AGPAT4: variants seen among roughly 807,000 people sequenced by gnomAD.
AGPAT4 encodes 1-acylglycerol-3-phosphate O-acyltransferase 4, also known as 1-acyl-sn-glycerol-3-phosphate acyltransferase delta.
AGPAT4 carries 15 observed loss-of-function variants against 48.0 expected under a neutral mutation model. That is an observed-to-expected ratio of 0.31 (90% confidence interval 0.21 to 0.48). The LOEUF (loss-of-function observed/expected upper bound fraction) is 0.48. Among genes scored for constraint, AGPAT4 ranks in the 20% least tolerant of loss-of-function variants. The pLI is 0.99. For missense variants in AGPAT4, 314 were observed against 482.5 expected, an observed-to-expected ratio of 0.65 and a Z score of 3.27; for synonymous variants, 178 against 198.7, an observed-to-expected ratio of 0.90 and a Z score of 0.88.
At position 161,139,740 on chromosome 6, in the gene AGPAT4, C is replaced by G. The variant is rs910982234; in HGVS notation, c.844-120G>C. ...CAGGTGCCACCGGGGCTCGGCAGAA[C>G]TGGGGTCTGCAGCTCCTTCCAGAAA... is the stretch of plus-strand genomic sequence containing the variant. On this transcript the variant is annotated intron_variant, in intron 7 of 8. Coordinates refer to ENST00000320285, the MANE Select transcript of AGPAT4 (RefSeq NM_020133.3). This position sits in a 1 kb window ranked among gnomAD's most constrained non-coding sequence, Gnocchi z 9.1. 17 of 833,458 alleles carry G rather than the reference C, an allele frequency of 2.0e-5. No individual in the cohort carries two copies. The African/African-American group carries it at 2.6e-4, about 13-fold the overall frequency. 51.6% of individuals were successfully genotyped at this position (833,458 alleles called of 1,614,324 possible).
Position 161,222,576 on chromosome 6 carries a change from ATT to A in AGPAT4, c.178+9458_178+9459del, listed in dbSNP as rs11345143. On this transcript the variant is annotated intron_variant, in intron 2 of 8. Coordinates refer to ENST00000320285, the MANE Select transcript of AGPAT4 (RefSeq NM_020133.3). This position sits in a 1 kb window ranked among gnomAD's most constrained non-coding sequence, Gnocchi z 5.9. ...TCTATAAAAGATTACGCATGAACAG[ATT>A]TTTTTTTTTTTCAAATTCCAATTAA... 7.5e-5 allele frequency among the ~76,000 whole-genome samples: 11 copies of A among 147,602 alleles called. No individual in the cohort carries two copies. Among genetic ancestry groups the A allele is most frequent in the East Asian group, 3.9e-4 (2 of 5,078 alleles).
At position 161,217,644 on chromosome 6, in the gene AGPAT4, G is replaced by A. The variant is rs143541840; in HGVS notation, c.178+14392C>T. On this transcript the variant is annotated intron_variant, in intron 2 of 8. Coordinates refer to ENST00000320285, the MANE Select transcript of AGPAT4 (RefSeq NM_020133.3). This position sits in a 1 kb window ranked among gnomAD's most constrained non-coding sequence, Gnocchi z 4.9. ...CCATTTAAAGAAATTGGCTACTGGT[G>A]TAGAAATTGTACATGAACAATCTCA... is the stretch of plus-strand genomic sequence containing the variant. Among the ~76,000 whole-genome samples, 1,004 of 152,348 alleles carry A rather than the reference G, an allele frequency of 6.6e-3. 10 individuals carry two copies. The highest frequency in any genetic ancestry group is 0.016 in the Admixed American group (246 of 15,302).
rs1221714162 is a variant in AGPAT4 at position 161,208,265 on chromosome 6, C to T, written c.178+23771G>A. Among the ~76,000 whole-genome samples the T allele has an allele frequency of 6.6e-6, 1 of 152,210 alleles. No homozygotes were observed. The highest frequency in any genetic ancestry group is 1.9e-4 in the East Asian group (1 of 5,200). The stretch of plus-strand genomic sequence containing the variant: ...GCACTGTTACTAAAAGTAAGCTACT[C>T]AGTATTCAGAGACTCTCTCCAGATG... On this transcript the variant is annotated intron_variant, in intron 2 of 8. Transcript: ENST00000320285. This position sits in a 1 kb window ranked among gnomAD's most constrained non-coding sequence, Gnocchi z 4.6.
In AGPAT4 at chr6:161,245,709, C is replaced by T. The variant is rs921600709; in HGVS notation, c.-89-13407G>A. ...CTCCTACTCACTGTCCGTGAAGTGC[C>T]CTCAATCCTTGAGTTCTTGGAGATC... On this transcript the variant is annotated intron_variant, in intron 1 of 8. Transcript: ENST00000320285. The surrounding 1 kb of genome is among the most constrained non-coding windows in gnomAD (Gnocchi z 5.2). Among the ~76,000 whole-genome samples the T allele has an allele frequency of 2.0e-4, 31 of 152,110 alleles. No homozygotes were observed. The highest frequency in any genetic ancestry group is 7.2e-4 in the African/African-American group (30 of 41,402).
intron 2 of AGPAT4, among the ~76,000 whole-genome samples, chr6:161,175,498 C>T (rs914498127): frequency 2.0e-5 from 3 of 152,008 alleles, no homozygotes; most frequent in African/African-American, 4.8e-5. Context: ...GGTGATATCC[C>T]CTTTATCATT....
chr6:161,269,661 A>C (rs1783367949), intron 1 of AGPAT4, among the ~76,000 whole-genome samples: 1 of 152,040 alleles, frequency 6.6e-6, no homozygotes, highest in African/African-American at 2.4e-5. Context: ...AAAAAAAGTC[A>C]TACCCCCATG....
intron 2 of AGPAT4, among the ~76,000 whole-genome samples, chr6:161,186,618 C>T (rs1417964988): frequency 6.6e-6 from 1 of 152,116 alleles, no homozygotes; most frequent in Non-Finnish European, 1.5e-5. Flanking sequence ...TCATGCCTTG[C>T]CGCCACTTCC....
rs1781140091 is a variant in AGPAT4 at position 161,198,842 on chromosome 6, T to C, written c.179-32425A>G. 6.6e-6 allele frequency among the ~76,000 whole-genome samples: 1 copy of C among 152,174 alleles called. No individual in the cohort carries two copies. The highest frequency in any genetic ancestry group is 2.1e-4 in the South Asian group (1 of 4,834). ...TGTTTCGAGTAAAGACAAAATTACA[T>C]AGCTTATTAAGGGGTAAATATCTTG... On this transcript the variant is annotated intron_variant, in intron 2 of 8. Coordinates refer to ENST00000320285, the MANE Select transcript of AGPAT4 (RefSeq NM_020133.3). The surrounding 1 kb of genome is among the most constrained non-coding windows in gnomAD (Gnocchi z 4.3).
rs573151330 is a variant in AGPAT4 at position 161,165,198 on chromosome 6, G to A, written c.348+1050C>T. Among the ~76,000 whole-genome samples, 12 of 152,280 alleles carry A rather than the reference G, an allele frequency of 7.9e-5. No homozygotes were observed. In the East Asian group the frequency reaches 2.3e-3, roughly 29 times the overall value. On this transcript the variant is annotated intron_variant, in intron 3 of 8. Coordinates refer to ENST00000320285, the MANE Select transcript of AGPAT4 (RefSeq NM_020133.3). This position sits in a 1 kb window ranked among gnomAD's most constrained non-coding sequence, Gnocchi z 5.5. The stretch of plus-strand genomic sequence containing the variant: ...ACTAGAATGTTTGCTCTTGTTCCTA[G>A]AAATATATTTGCACACACACACACG...
chr6:161,185,305 T>TTC (rs1780737656), intron 2 of AGPAT4, among the ~76,000 whole-genome samples: 1 of 140,696 alleles, frequency 7.1e-6, no homozygotes, highest in Non-Finnish European at 1.6e-5. Context: ...TTTTTTTTTT[T>TTC]CCAAAGACAG....
intron 2 of AGPAT4, among the ~76,000 whole-genome samples, chr6:161,210,351 C>T (rs1781489721): frequency 6.6e-6 from 1 of 152,124 alleles, no homozygotes; most frequent in African/African-American, 2.4e-5. Context: ...ATTTAGCTGA[C>T]AGCTGCCTAG....
chr6:161,250,118 A>T (rs1782766857), intron 1 of AGPAT4, among the ~76,000 whole-genome samples: 1 of 130,866 alleles, frequency 7.6e-6, no homozygotes, highest in Non-Finnish European at 1.5e-5. Flanking sequence ...ACGTGTTTTC[A>T]CTTACAAGTG....
In AGPAT4 at chr6:161,267,440, G is replaced by A. The variant is rs769575674; in HGVS notation, c.-90+6498C>T. On this transcript the variant is annotated intron_variant, in intron 1 of 8. Coordinates refer to ENST00000320285, the MANE Select transcript of AGPAT4 (RefSeq NM_020133.3). The surrounding 1 kb of genome is among the most constrained non-coding windows in gnomAD (Gnocchi z 5.2). ...GAAAAATATTAGCTGGGGAACGGGC[G>A]CAGTGGCTCACATCTGTAATCCTAG... Among the ~76,000 whole-genome samples the A allele has an allele frequency of 2.0e-5, 3 of 152,140 alleles. No homozygotes were observed. The highest frequency in any genetic ancestry group is 4.4e-5 in the Non-Finnish European group (3 of 68,014).
Position 161,172,232 on chromosome 6 carries a change from G to A in AGPAT4, c.179-5815C>T, listed in dbSNP as rs550584586. Reference sequence around the variant, plus strand: ...CTGCACTAAGAGGAACCCTCAGTGCGAGAAGTGCAAGGAGGAAGGACATGG... The same window carrying A: ...CTGCACTAAGAGGAACCCTCAGTGCAAGAAGTGCAAGGAGGAAGGACATGG... On this transcript the variant is annotated intron_variant, in intron 2 of 8. Coordinates refer to ENST00000320285, the MANE Select transcript of AGPAT4 (RefSeq NM_020133.3). 3.3e-5 allele frequency among the ~76,000 whole-genome samples: 5 copies of A among 152,328 alleles called. No homozygotes were observed. The South Asian group carries it at 6.2e-4, about 19-fold the overall frequency.
rs142376122 is a variant in AGPAT4 at position 161,265,072 on chromosome 6, T to G, written c.-90+8866A>C. On this transcript the variant is annotated intron_variant, in intron 1 of 8. Coordinates refer to ENST00000320285, the MANE Select transcript of AGPAT4 (RefSeq NM_020133.3). ...GCAAATTAATACTAGTGAGACCTGG[T>G]TGGTGGACTAGTACCCACTGCTGGA... Among the ~76,000 whole-genome samples, 824 of 152,172 alleles carry G rather than the reference T, an allele frequency of 5.4e-3. 9 individuals are homozygous for G. Among genetic ancestry groups the G allele is most frequent in the African/African-American group, 0.019 (799 of 41,542 alleles).
rs769542610 is a variant in AGPAT4, at chr6:161,146,590, T to C, written c.777A>G (p.Pro259=). The C allele has an allele frequency of 3.7e-6, 6 of 1,614,064 alleles. No homozygotes were observed. Among genetic ancestry groups the C allele is most frequent in the Non-Finnish European group, 5.1e-6 (6 of 1,180,010 alleles). ...YHADLYVRRI[P]LEDIPEDDDE... ...CATCGTCTTCAGGGATGTCTTCCAG[T>C]GGGATCCTCCTGCAAAGGCAGAGAG... Residue 259 remains proline, a synonymous_variant, in exon 7 of 9, where the codon CCA becomes CCG. Transcript: ENST00000320285. This position sits in a 1 kb window ranked among gnomAD's most constrained non-coding sequence, Gnocchi z 7.1.
Position 161,259,724 on chromosome 6 carries a change from T to A in AGPAT4, c.-90+14214A>T, listed in dbSNP as rs150029267. Among the ~76,000 whole-genome samples, 6 of 152,134 alleles carry A rather than the reference T, an allele frequency of 3.9e-5. No individual in the cohort carries two copies. Among genetic ancestry groups the A allele is most frequent in the African/African-American group, 7.2e-5 (3 of 41,514 alleles). On this transcript the variant is annotated intron_variant, in intron 1 of 8. Transcript: ENST00000320285. This position sits in a 1 kb window ranked among gnomAD's most constrained non-coding sequence, Gnocchi z 4.9. ...TGCCCAGGAGGACTCTCTGGCTGAG[T>A]GGCACCTTGAGCTTACCAACAGGGC...
In AGPAT4 at chr6:161,242,833, G is replaced by A. The variant is rs1385953855; in HGVS notation, c.-89-10531C>T. Among the ~76,000 whole-genome samples, 1 of 152,172 alleles carries A rather than the reference G, an allele frequency of 6.6e-6. No individual in the cohort carries two copies. Among genetic ancestry groups the A allele is most frequent in the African/African-American group, 2.4e-5 (1 of 41,450 alleles). On this transcript the variant is annotated intron_variant, in intron 1 of 8. Transcript: ENST00000320285. The surrounding 1 kb of genome is among the most constrained non-coding windows in gnomAD (Gnocchi z 5.0). The stretch of plus-strand genomic sequence containing the variant: ...CACCTGTCATCCCAGCACTTTGGGA[G>A]GGGGTGGGTGGCTCACCTGAGGTCA...
chr6:161,148,606 A>C lies in AGPAT4; in HGVS notation c.767+581T>G, dbSNP rs76901600. ...CCCTGACCCGTCACACTGGGTTTTA[A>C]TGCATGAACTGCCATTGTGTTTACT... On this transcript the variant is annotated intron_variant, in intron 6 of 8. Coordinates refer to ENST00000320285, the MANE Select transcript of AGPAT4 (RefSeq NM_020133.3). This position sits in a 1 kb window ranked among gnomAD's most constrained non-coding sequence, Gnocchi z 5.5. Among the ~76,000 whole-genome samples the C allele has an allele frequency of 8.8e-3, 1,334 of 152,314 alleles. 19 individuals carry two copies. The highest frequency in any genetic ancestry group is 0.031 in the African/African-American group (1,271 of 41,564).
Sources: gnomAD v4.1 joint callset for allele counts (sites outside exome capture counted in the v4.1 genomes callset) on GRCh38, gnomAD v4.1.1 for gene constraint, Gnocchi (gnomAD v3.1) non-coding constraint, MANE v1.5 for transcripts, NCBI Gene and HGNC (gene_info 2026-07-23, HGNC 2026-07-21) for gene names.